PSMA1: variants seen among roughly 807,000 people sequenced by gnomAD.
The protein encoded by PSMA1 is proteasome 20S subunit alpha 1.
PSMA1 carries 3 observed loss-of-function variants against 38.4 expected under a neutral mutation model. The ratio of observed to expected loss-of-function variants is 0.08; its 90% confidence interval spans 0.04 to 0.20. The LOEUF is 0.20. Ranked by LOEUF, PSMA1 falls within the 10% of genes least tolerant of loss-of-function variation. PSMA1 has a pLI of 1.00. For synonymous variants in PSMA1, 101 were observed against 107.1 expected (o/e 0.94, Z 0.35); for missense variants, 227 against 325.3 (o/e 0.70, Z 2.32).
At chr11:14,616,317 T>C (rs1852773184) in intron 1 of PSMA1, among the ~76,000 whole-genome samples, 1 of 150,844 alleles carries the variant, frequency 6.6e-6, no homozygotes, top group Admixed American at 6.6e-5. Flanking sequence ...ACTGCAACCT[T>C]CACCTACCAG....
intron 2 of PSMA1, among the ~76,000 whole-genome samples, chr11:14,536,878 G>C (rs866880643): frequency 3.3e-5 from 5 of 152,208 alleles, no homozygotes; most frequent in African/African-American, 1.2e-4. Context: ...GCCTCCCGAA[G>C]TGCTGGGATT....
chr11:14,558,298 A>T (rs1851965353), intron 2 of PSMA1, among the ~76,000 whole-genome samples: 1 of 151,204 alleles, frequency 6.6e-6, no homozygotes. Context: ...ACACATCTGT[A>T]GTCCCAGCTG....
At chr11:14,609,475 TA>T (rs1156471574) in intron 2 of PSMA1, among the ~76,000 whole-genome samples, 1 of 152,132 alleles carries the variant, frequency 6.6e-6, no homozygotes, top group Non-Finnish European at 1.5e-5. Flanking sequence ...ATATTTAACA[TA>T]TTAGTGACAT....
At chr11:14,543,340 A>T (rs922377740) in intron 2 of PSMA1, among the ~76,000 whole-genome samples, 2 of 152,210 alleles carry the variant, frequency 1.3e-5, no homozygotes, top group African/African-American at 4.8e-5. Context: ...TCTTAAGAAA[A>T]CAGGAGTAAA....
intron 1 of PSMA1, among the ~76,000 whole-genome samples, chr11:14,614,386 T>C (rs951381376): frequency 1.3e-5 from 2 of 152,052 alleles, no homozygotes; most frequent in African/African-American, 4.8e-5. Flanking sequence ...TGAATATGTT[T>C]CATATAAGCT....
At chr11:14,629,393 C>T (rs1354705405) in intron 1 of PSMA1, among the ~76,000 whole-genome samples, 1 of 152,146 alleles carries the variant, frequency 6.6e-6, no homozygotes, top group Non-Finnish European at 1.5e-5. Context: ...TATGGCTAGC[C>T]AGTTTTTCCA....
chr11:14,626,156 C>T (rs900916519), intron 1 of PSMA1, among the ~76,000 whole-genome samples: 13 of 147,538 alleles, frequency 8.8e-5, no homozygotes, highest in African/African-American at 3.2e-4. Context: ...TCCCTATTTA[C>T]AGTTTTTATT....
intron 1 of PSMA1, among the ~76,000 whole-genome samples, chr11:14,621,328 T>A (rs1297417933): frequency 6.6e-6 from 1 of 152,032 alleles, no homozygotes; most frequent in African/African-American, 2.4e-5. Context: ...CCAGCTGGAG[T>A]GCAGTAGCAC....
chr11:14,620,875 G>C (rs1461497018), intron 1 of PSMA1, among the ~76,000 whole-genome samples: 1 of 152,134 alleles, frequency 6.6e-6, no homozygotes, highest in East Asian at 1.9e-4. Flanking sequence ...TATGAGACTT[G>C]GGGTTTCCTG....
intron 2 of PSMA1, among the ~76,000 whole-genome samples, chr11:14,553,078 G>T (rs1408167485): frequency 6.6e-6 from 1 of 151,980 alleles, no homozygotes. Context: ...TCCTGCCTTG[G>T]CTTCCCAAAG....
At position 14,592,376 on chromosome 11, in the gene PSMA1, C is replaced by CTCTCTCTCTA. The variant is rs1201045926; in HGVS notation, c.21+18589_21+18590insTAGAGAGAGA. On this transcript the variant is annotated intron_variant, in intron 2 of 10. Transcript: ENST00000418988. The stretch of plus-strand genomic sequence containing the variant: ...ACAGTCTCTCTCTCTCTCTCTCTCT[C>CTCTCTCTCTA]TATATATATATATATATATTTTTTT... Among the ~76,000 whole-genome samples, 4 of 122,402 alleles carry CTCTCTCTCTA rather than the reference C, an allele frequency of 3.3e-5. No individual in the cohort carries two copies. In the South Asian group the frequency reaches 7.7e-4, roughly 24 times the overall value. The allele number at this position is 122,402 out of a possible 152,430, so 80.3% of individuals were successfully genotyped here.
rs1187675308 is a variant in PSMA1 at position 14,560,276 on chromosome 11, G to C, written c.22-41235C>G. 6.6e-5 allele frequency among the ~76,000 whole-genome samples: 10 copies of C among 152,242 alleles called. No individual in the cohort carries two copies. In the East Asian group the frequency reaches 1.9e-3, roughly 29 times the overall value. ...CCAGGAACAGTTCCTCCAGTATCCT[G>C]GTTAGACTCTTTTTTCTGGGTAAAC... On this transcript the variant is annotated intron_variant, in intron 2 of 10. Coordinates refer to the PSMA1 transcript ENST00000418988.
chr11:14,612,005 G>A (rs1039320639), intron 1 of PSMA1, among the ~76,000 whole-genome samples: 1 of 152,290 alleles, frequency 6.6e-6, no homozygotes, highest in Admixed American at 6.5e-5. Flanking sequence ...GGAAAAAACA[G>A]CTGTTTTTTG....
At chr11:14,520,255 G>A in intron 1 of PSMA1, 42 bp downstream of exon 1, 1 of 1,613,862 alleles carries the variant, frequency 6.2e-7, no homozygotes, top group Admixed American at 1.7e-5. Context: ...CCAGTCACCA[G>A]AGCTCTGCCC....
Position 14,621,519 on chromosome 11 carries a change from C to T in PSMA1, c.-165-10368G>A, listed in dbSNP as rs933205239. Among the ~76,000 whole-genome samples the T allele has an allele frequency of 3.9e-5, 6 of 152,096 alleles. No individual in the cohort carries two copies. In the East Asian group the frequency reaches 5.8e-4, roughly 15 times the overall value. On this transcript the variant is annotated intron_variant, in intron 1 of 10. Coordinates refer to the PSMA1 transcript ENST00000418988. ...CTGCTGGGCTTAAGCTGTCCTCCCA[C>T]CTTGGCCTCCTAAAGAGCTGGGATT...
At chr11:14,532,029 T>A (rs963530889) in intron 2 of PSMA1, among the ~76,000 whole-genome samples, 1 of 152,054 alleles carries the variant, frequency 6.6e-6, no homozygotes, top group African/African-American at 2.4e-5. Flanking sequence ...CTTTGGAGAG[T>A]GCATCTGATT....
At chr11:14,631,640 C>A (rs555162727) in intron 1 of PSMA1, among the ~76,000 whole-genome samples, 1 of 152,268 alleles carries the variant, frequency 6.6e-6, no homozygotes, top group Admixed American at 6.5e-5. Context: ...AATGTATATT[C>A]TGTTGATTTG....
chr11:14,522,866 A>AAATATTTACATATTTAC (rs1208360003), upstream of PSMA1, among the ~76,000 whole-genome samples: 10 of 152,242 alleles, frequency 6.6e-5, no homozygotes, highest in Non-Finnish European at 1.0e-4. Flanking sequence ...GTAAATATGC[A>AAATATTTACATATTTAC]ACAGGGAATC....
At chr11:14,637,524 G>A (rs1257069761) in intron 1 of PSMA1, among the ~76,000 whole-genome samples, 1 of 152,068 alleles carries the variant, frequency 6.6e-6, no homozygotes, top group Non-Finnish European at 1.5e-5. Context: ...GAATACATTT[G>A]CAAACATAAA....
Sources: gnomAD v4.1 joint callset for allele counts (sites outside exome capture counted in the v4.1 genomes callset) on GRCh38, gnomAD v4.1.1 for gene constraint, MANE v1.5 for transcripts, NCBI Gene and HGNC (gene_info 2026-07-23, HGNC 2026-07-21) for gene names.